TMEM8B: variants seen among roughly 807,000 people sequenced by gnomAD.
TMEM8B encodes transmembrane protein 8B.
TMEM8B carries 29 observed loss-of-function variants against 49.3 expected under a neutral mutation model. The observed-to-expected ratio is 0.59, with a 90% CI of 0.44 to 0.80. TMEM8B has a LOEUF of 0.80. Among genes scored for constraint, TMEM8B ranks in the 30% least tolerant of loss-of-function variants. TMEM8B has a pLI of 0.00. For missense variants in TMEM8B, 575 were observed against 658.5 expected, an observed-to-expected ratio of 0.87 and a Z score of 1.39; for synonymous variants, 264 against 272.8, an observed-to-expected ratio of 0.97 and a Z score of 0.32.
At position 35,853,172 on chromosome 9, in the gene TMEM8B, C is replaced by T. The variant is rs1194627898; in HGVS notation, c.2354C>T (p.Ser785Phe). The change falls in exon 12 of 13, where the codon TCC (serine) becomes TTC (phenylalanine). Residue 785 changes from serine to phenylalanine, a missense_variant. Transcript: ENST00000643932. The surrounding 1 kb of genome is among the most constrained non-coding windows in gnomAD (Gnocchi z 4.2). ...VLYLLGAMLL[S>F]MALQLDRHGL... ...TATTTGCTGGGAGCTATGCTGCTGT[C>T]CATGGCTCTGCAGCTTGACCGACAT... 6.2e-7 allele frequency: 1 copy of T among 1,614,118 alleles called. No homozygotes were observed. The highest frequency in any genetic ancestry group is 8.5e-7 in the Non-Finnish European group (1 of 1,179,950).
rs1832627704 is a variant in TMEM8B at position 35,860,295 on chromosome 9, T to C, written c.*6455T>C. The stretch of plus-strand genomic sequence containing the variant: ...TCATGTTTAAAATGATCGTTTGGAA[T>C]CCAAAGTGTTTTTGGTCATTAACAG... On this transcript the variant is annotated 3_prime_UTR_variant, in exon 13 of 13. Transcript: ENST00000643932. 6.6e-6 allele frequency: 1 copy of C among 152,278 alleles called. No individual in the cohort carries two copies. Among genetic ancestry groups the C allele is most frequent in the African/African-American group, 2.4e-5 (1 of 41,484 alleles). 9.4% of individuals were successfully genotyped at this position (152,278 alleles called of 1,614,324 possible).
chr9:35,829,656 C>T lies in TMEM8B; in HGVS notation c.209C>T (p.Ser70Phe). 2.5e-6 allele frequency: 1 copy of T among 401,358 alleles called. No homozygotes were observed. Among genetic ancestry groups the T allele is most frequent in the Non-Finnish European group, 4.4e-6 (1 of 226,946 alleles). The allele number at this position is 401,358 out of a possible 1,614,324, so 24.9% of individuals were successfully genotyped here. Residue 70 changes from serine (S) to phenylalanine (F), a missense_variant, in exon 1 of 13, where the codon TCC becomes TTC. Physicochemically the swap from Ser to Phe is radical, Grantham distance 155 (BLOSUM62 -2). Transcript: ENST00000643932. ...TCACAAATCCCAGCCCAGGCCCTGT[C>T]CCAGCCCCATTCCCAGTGTTTGCTT... Reference protein sequence around the residue: ...PLSQIPAQALSQPHSQCLLKA... With the variant: ...PLSQIPAQALFQPHSQCLLKA...
In TMEM8B at chr9:35,859,996, T is replaced by C. The variant is rs969925384; in HGVS notation, c.*6156T>C. 2.6e-5 allele frequency: 4 copies of C among 152,424 alleles called. No individual in the cohort carries two copies. The highest frequency in any genetic ancestry group is 9.6e-5 in the African/African-American group (4 of 41,460). 9.4% of individuals were successfully genotyped at this position (152,424 alleles called of 1,614,324 possible). On this transcript the variant is annotated 3_prime_UTR_variant, in exon 13 of 13. Coordinates refer to ENST00000643932, the MANE Select transcript of TMEM8B (RefSeq NM_001042590.4). ...CCCACTTCATCTCATTCTCTCTCCTTTTCCATCTGGACCACCCAGCTTTTT... is the reference window on the plus strand; with the variant it reads ...CCCACTTCATCTCATTCTCTCTCCTCTTCCATCTGGACCACCCAGCTTTTT...
At position 35,860,798 on chromosome 9, in the gene TMEM8B, A is replaced by G. The variant is rs1295250242; in HGVS notation, c.*6958A>G. On this transcript the variant is annotated 3_prime_UTR_variant, in exon 13 of 13. Transcript: ENST00000643932. ...CTTTGTAGGAGAAATGATACTGACA[A>G]TGATGTCACACGAGGAGGGAAGCCA... 6.6e-6 allele frequency: 1 copy of G among 152,272 alleles called. No homozygotes were observed. Among genetic ancestry groups the G allele is most frequent in the East Asian group, 1.9e-4 (1 of 5,202 alleles). 9.4% of individuals were successfully genotyped at this position (152,272 alleles called of 1,614,324 possible). A position where few individuals can be genotyped will look rare whatever the true frequency, so the allele number is the denominator to read the frequency against.
chr9:35,854,084 C>T lies in TMEM8B; in HGVS notation c.*244C>T. On this transcript the variant is annotated 3_prime_UTR_variant, in exon 13 of 13. Coordinates refer to ENST00000643932, the MANE Select transcript of TMEM8B (RefSeq NM_001042590.4). ...ACTGGAGCCTATGCAGGCACAGAGT[C>T]CCTCAGGACCAAGGAGTCCCTCCTG... The T allele has an allele frequency of 1.7e-6, 2 of 1,208,092 alleles. No individual in the cohort carries two copies. Among genetic ancestry groups the T allele is most frequent in the Non-Finnish European group, 2.1e-6 (2 of 962,262 alleles). The allele number at this position is 1,208,092 out of a possible 1,614,324, so 74.8% of individuals were successfully genotyped here.
rs1002438690 is a variant in TMEM8B, at chr9:35,841,267, A to G, written c.1040A>G (p.Lys347Arg). Reference protein sequence around the residue: ...LSPHNRSALYKVFVPSFTYRV... With the variant: ...LSPHNRSALYRVFVPSFTYRV... ...CCACACAATCGCTCAGCCCTGTACA[A>G]GTAAGTCAAAGACTCCCCACACCTG... Residue 347 changes from lysine (K) to arginine (R), a missense_variant and splice_region_variant, in exon 4 of 13, where the codon AAG becomes AGG. Lys to Arg is a conservative substitution (Grantham distance 26, BLOSUM62 2). Transcript: ENST00000643932. This position sits in a 1 kb window ranked among gnomAD's most constrained non-coding sequence, Gnocchi z 5.9. The G allele has an allele frequency of 1.2e-5, 5 of 415,998 alleles. No individual in the cohort carries two copies. Among genetic ancestry groups the G allele is most frequent in the Middle Eastern group, 3.1e-4 (1 of 3,248 alleles). 25.8% of individuals were successfully genotyped at this position (415,998 alleles called of 1,614,324 possible).
At chr9:35,831,388 T>C (rs1456931893) in intron 1 of TMEM8B, among the ~76,000 whole-genome samples, 2 of 152,188 alleles carry the variant, frequency 1.3e-5, no homozygotes, top group Non-Finnish European at 2.9e-5. Context: ...TGAATGGGGC[T>C]GGAGACCCTT....
intron 3 of TMEM8B, among the ~76,000 whole-genome samples, chr9:35,836,483 C>G (rs992744169): frequency 6.6e-6 from 1 of 152,224 alleles, no homozygotes; most frequent in Non-Finnish European, 1.5e-5. Flanking sequence ...CCTCCTGAAG[C>G]CTGGCTCTAG....
intron 1 of TMEM8B, among the ~76,000 whole-genome samples, chr9:35,833,046 G>A (rs966962050): frequency 3.9e-5 from 6 of 152,124 alleles, no homozygotes; most frequent in African/African-American, 1.4e-4. Context: ...GAGTGTAACC[G>A]TGGCCTCCAA....
intron 7 of TMEM8B, 37 bp downstream of exon 7, chr9:35,846,105 T>A: frequency 1.3e-6 from 2 of 1,593,972 alleles, no homozygotes; most frequent in Admixed American, 1.7e-5. Flanking sequence ...GAAGCTGCAG[T>A]GTGGGGGTGG....
At chr9:35,840,433 T>A (rs897760874) in intron 3 of TMEM8B, among the ~76,000 whole-genome samples, 1 of 152,204 alleles carries the variant, frequency 6.6e-6, no homozygotes, top group African/African-American at 2.4e-5. Flanking sequence ...CTGTGAGGTA[T>A]GCACTCTATG....
intron 10 of TMEM8B, among the ~76,000 whole-genome samples, chr9:35,851,434 C>T (rs1413730654): frequency 6.6e-6 from 1 of 152,256 alleles, no homozygotes; most frequent in Non-Finnish European, 1.5e-5. Context: ...GCGTGAGCCA[C>T]TGCACCCAAC....
At position 35,850,682 on chromosome 9, in the gene TMEM8B, A is replaced by G. The variant is rs1051022018; in HGVS notation, c.2176-2145A>G. On this transcript the variant is annotated intron_variant, in intron 10 of 12. Transcript: ENST00000643932. ...TAGTGCAAATTCCTAGGAGAAAGTC[A>G]GCCCTCAATTATTCCCCTAGATGTG... 2.0e-5 allele frequency among the ~76,000 whole-genome samples: 3 copies of G among 152,226 alleles called. No homozygotes were observed. In the East Asian group the frequency reaches 5.8e-4, roughly 29 times the overall value.
In TMEM8B at chr9:35,855,088, ACT is replaced by A. The variant is rs1179988472; in HGVS notation, c.*1254_*1255del. ...GAGATTTCTTGTTCCCATTTGCATT[ACT>A]CTCTCAGTCCTAAGGTTCTCTCTGC... On this transcript the variant is annotated 3_prime_UTR_variant, in exon 13 of 13. Coordinates refer to ENST00000643932, the MANE Select transcript of TMEM8B (RefSeq NM_001042590.4). 1 of 151,964 alleles carries A rather than the reference ACT, an allele frequency of 6.6e-6. No homozygotes were observed. The highest frequency in any genetic ancestry group is 2.4e-5 in the African/African-American group (1 of 41,362). 9.4% of individuals were successfully genotyped at this position (151,964 alleles called of 1,614,324 possible).
chr9:35,831,144 T>A (rs1005235076), intron 1 of TMEM8B, among the ~76,000 whole-genome samples: 1 of 152,152 alleles, frequency 6.6e-6, no homozygotes, highest in African/African-American at 2.4e-5. Flanking sequence ...CCTGCAGAGA[T>A]GTCTGGTCAC....
chr9:35,845,005 C>G (rs911914597), intron 6 of TMEM8B, among the ~76,000 whole-genome samples: 4 of 152,154 alleles, frequency 2.6e-5, no homozygotes, highest in Non-Finnish European at 4.4e-5. Context: ...GAAAGACTTT[C>G]ACTGAGTAAT....
chr9:35,840,229 G>A (rs1830836928), intron 3 of TMEM8B, among the ~76,000 whole-genome samples: 1 of 152,208 alleles, frequency 6.6e-6, no homozygotes, highest in Non-Finnish European at 1.5e-5. Flanking sequence ...GAAGCTGGGG[G>A]AGACGTGGTT....
At position 35,853,100 on chromosome 9, in the gene TMEM8B, G is replaced by A. The variant is rs765867494; in HGVS notation, c.2323-41G>A. The A allele has an allele frequency of 6.2e-6, 10 of 1,609,388 alleles. No homozygotes were observed. In the South Asian group the frequency reaches 9.9e-5, roughly 16 times the overall value. ...TGACCCAGGCCCTGGAGTGCTGTCT[G>A]TCACCTGGCCCTAGCCCAGCCCTTG... On this transcript the variant is annotated intron_variant, in intron 11 of 12. Coordinates refer to ENST00000643932, the MANE Select transcript of TMEM8B (RefSeq NM_001042590.4). This position sits in a 1 kb window ranked among gnomAD's most constrained non-coding sequence, Gnocchi z 4.2.
intron 3 of TMEM8B, among the ~76,000 whole-genome samples, chr9:35,840,664 T>C (rs1250256388): frequency 6.6e-6 from 1 of 151,850 alleles, no homozygotes; most frequent in African/African-American, 2.4e-5. Flanking sequence ...AGGTTGAGAT[T>C]GGTGGCGGGG....
Sources: gnomAD v4.1 joint callset for allele counts (sites outside exome capture counted in the v4.1 genomes callset) on GRCh38, gnomAD v4.1.1 for gene constraint, Gnocchi (gnomAD v3.1) non-coding constraint, MANE v1.5 for transcripts, NCBI Gene and HGNC (gene_info 2026-07-23, HGNC 2026-07-21) for gene names.